Variants in MED13L observed in about 807,000 individuals in gnomAD.
MED13L encodes mediator of RNA polymerase II transcription subunit 13-like.
In MED13L, 7 loss-of-function variants were observed where a neutral mutation model predicts 220.9. The observed-to-expected ratio is 0.03, with a 90% CI of 0.02 to 0.06. The LOEUF (loss-of-function observed/expected upper bound fraction) is 0.06, where lower values mean the gene tolerates loss of function less well. Ranked by LOEUF, MED13L falls within the 10% of genes least tolerant of loss-of-function variation. The probability of loss-of-function intolerance (pLI) is 1.00; values close to 1 mark genes in which losing one functional copy is unlikely to be tolerated. For synonymous variants in MED13L, 1,011 were observed against 1,015.2 expected (o/e 1.00, Z 0.08); for missense variants, 1,965 against 2,760.5 (o/e 0.71, Z 6.46).
chr12:116,200,480 G>A (rs1881942411), intron 2 of MED13L, among the ~76,000 whole-genome samples: 1 of 152,096 alleles, frequency 6.6e-6, no homozygotes, highest in African/African-American at 2.4e-5. Flanking sequence ...TTTCCTTTCA[G>A]GTCTAATTTG....
chr12:116,048,453 G>A (rs1437313173), intron 4 of MED13L, among the ~76,000 whole-genome samples: 2 of 152,168 alleles, frequency 1.3e-5, no homozygotes, highest in South Asian at 2.1e-4. Context: ...GGAGAGGGGA[G>A]TCAAAACATT....
At chr12:116,140,594 T>A (rs553530950) in intron 2 of MED13L, among the ~76,000 whole-genome samples, 1 of 152,288 alleles carries the variant, frequency 6.6e-6, no homozygotes, top group African/African-American at 2.4e-5. Context: ...GAAAGGAACA[T>A]GTTAGAGGAA....
chr12:115,998,444 C>A (rs1185092506), intron 14 of MED13L, among the ~76,000 whole-genome samples: 1 of 152,212 alleles, frequency 6.6e-6, no homozygotes, highest in Non-Finnish European at 1.5e-5. Context: ...CTGTACCGTG[C>A]TGTGCTCACG....
intron 2 of MED13L, among the ~76,000 whole-genome samples, chr12:116,224,913 A>G (rs942870985): frequency 2.6e-4 from 40 of 152,158 alleles, no homozygotes; most frequent in African/African-American, 9.4e-4. Context: ...ACCTGGGCTC[A>G]ACTGATACTC....
chr12:116,277,584 C>G lies in MED13L; in HGVS notation c.-453G>C, dbSNP rs1384344401. 6.7e-6 allele frequency among the ~76,000 whole-genome samples: 1 copy of G among 149,462 alleles called. No homozygotes were observed. The highest frequency in any genetic ancestry group is 1.5e-5 in the Non-Finnish European group (1 of 66,940). ...GGTGCGGACGAAGCCAGCGGGCGAC[C>G]CCGGCAGCCGAGCGACGTCCCCTCC... On this transcript the variant is annotated 5_prime_UTR_variant, in exon 1 of 31. Coordinates refer to ENST00000281928, the MANE Select transcript of MED13L (RefSeq NM_015335.5).
At chr12:116,083,407 A>G (rs1475465662) in intron 4 of MED13L, among the ~76,000 whole-genome samples, 3 of 121,204 alleles carry the variant, frequency 2.5e-5, no homozygotes, top group South Asian at 2.4e-4. Flanking sequence ...CTCGAGGGAA[A>G]AAAAAAAAAA....
chr12:116,150,331 A>G (rs142530805), intron 2 of MED13L, among the ~76,000 whole-genome samples: 64 of 152,368 alleles, frequency 4.2e-4, no homozygotes, highest in Middle Eastern at 6.8e-3. Context: ...CCAGCTTATC[A>G]ACGTACTCAA....
intron 4 of MED13L, among the ~76,000 whole-genome samples, chr12:116,060,368 A>G (rs1783642783): frequency 6.6e-6 from 1 of 152,142 alleles, no homozygotes; most frequent in Admixed American, 6.6e-5. Flanking sequence ...ACTTGAGGTC[A>G]GGAGTTTGAG....
chr12:116,239,913 C>G (rs2138470274), intron 1 of MED13L, among the ~76,000 whole-genome samples: 1 of 152,290 alleles, frequency 6.6e-6, no homozygotes, highest in East Asian at 1.9e-4. Context: ...ATGGGGCCAC[C>G]ATTCCTGGGT....
At chr12:116,143,156 G>A (rs921848223) in intron 2 of MED13L, among the ~76,000 whole-genome samples, 2 of 152,062 alleles carry the variant, frequency 1.3e-5, no homozygotes, top group African/African-American at 2.4e-5. Flanking sequence ...TTTACATACT[G>A]TAGAATAAAC....
intron 4 of MED13L, among the ~76,000 whole-genome samples, chr12:116,050,374 G>A (rs1868381874): frequency 6.6e-6 from 1 of 152,120 alleles, no homozygotes; most frequent in African/African-American, 2.4e-5. Flanking sequence ...TGTACACATG[G>A]AACAGGTATC....
chr12:116,009,574 A>C (rs1294210698), intron 9 of MED13L, among the ~76,000 whole-genome samples: 1 of 152,210 alleles, frequency 6.6e-6, no homozygotes, highest in East Asian at 1.9e-4. Flanking sequence ...GTAGTGCTGT[A>C]AATTGGGAAT....
At chr12:115,988,032 TA>T (rs1877817094) in intron 17 of MED13L, among the ~76,000 whole-genome samples, 1 of 152,098 alleles carries the variant, frequency 6.6e-6, no homozygotes, top group African/African-American at 2.4e-5. Context: ...ATCAGATTCT[TA>T]AAAAGGTCTG....
intron 4 of MED13L, among the ~76,000 whole-genome samples, chr12:116,092,786 T>G (rs973653383): frequency 1.3e-5 from 2 of 152,126 alleles, no homozygotes; most frequent in Non-Finnish European, 2.9e-5. Flanking sequence ...GGGGGGTGTG[T>G]GCACATGTGC....
chr12:116,019,141 G>T, intron 7 of MED13L, 83 bp downstream of exon 7: 1 of 1,384,194 alleles, frequency 7.2e-7, no homozygotes, highest in Admixed American at 2.4e-5. Flanking sequence ...AGGAATTTCT[G>T]TTTTCTCACC....
chr12:116,258,530 A>G (rs574563855), intron 1 of MED13L, among the ~76,000 whole-genome samples: 47 of 152,288 alleles, frequency 3.1e-4, no homozygotes, highest in African/African-American at 1.1e-3. Context: ...TAATCCCAGC[A>G]CTTTGGGAGG....
chr12:116,234,816 C>T (rs1471760686), intron 2 of MED13L, among the ~76,000 whole-genome samples: 1 of 151,954 alleles, frequency 6.6e-6, no homozygotes, highest in Non-Finnish European at 1.5e-5. Flanking sequence ...CGTCACCACA[C>T]CTGGCTAATT....
At chr12:116,229,464 A>T (rs1440277284) in intron 2 of MED13L, among the ~76,000 whole-genome samples, 1 of 152,214 alleles carries the variant, frequency 6.6e-6, no homozygotes, top group Admixed American at 6.5e-5. Context: ...TTTAATTTTC[A>T]TATCATTAGA....
chr12:116,142,185 A>G (rs1168111772), intron 2 of MED13L, among the ~76,000 whole-genome samples: 1 of 152,108 alleles, frequency 6.6e-6, no homozygotes, highest in Non-Finnish European at 1.5e-5. Flanking sequence ...CATCTGGTAT[A>G]TTTTATGTGT....
Sources: allele counts gnomAD v4.1 joint callset (sites outside exome capture counted in the v4.1 genomes callset), GRCh38; gene constraint gnomAD v4.1.1; transcripts MANE v1.5; gene names NCBI Gene and HGNC (gene_info 2026-07-23, HGNC 2026-07-21).